Variants in AKAP13 observed in about 807,000 individuals in gnomAD.
AKAP13 encodes A-kinase anchoring protein 13.
Under a neutral mutation model 264.5 loss-of-function variants are expected in AKAP13, and 80 were observed. That is an observed-to-expected ratio of 0.30 (90% confidence interval 0.25 to 0.36). The LOEUF (loss-of-function observed/expected upper bound fraction) is 0.36. Ranked by LOEUF, AKAP13 falls within the 10% of genes least tolerant of loss-of-function variation. The probability of loss-of-function intolerance (pLI) is 1.00; values close to 1 mark genes in which losing one functional copy is unlikely to be tolerated. For missense variants in AKAP13, 3,712 were observed against 3,435.2 expected (o/e 1.08, Z -2.01); for synonymous variants, 1,380 against 1,250.2 (o/e 1.10, Z -2.19).
chr15:85,642,620 T>G (rs997515230), intron 9 of AKAP13, among the ~76,000 whole-genome samples: 1 of 152,118 alleles, frequency 6.6e-6, no homozygotes, highest in Non-Finnish European at 1.5e-5. Flanking sequence ...CTTTCTGTAC[T>G]TTTCCCTCTT....
intron 2 of AKAP13, among the ~76,000 whole-genome samples, chr15:85,520,179 A>C (rs1012840499): frequency 6.6e-6 from 1 of 151,982 alleles, no homozygotes; most frequent in Admixed American, 6.6e-5. Flanking sequence ...TTTAAAAAAA[A>C]AATCAATATA....
At chr15:85,516,783 G>A (rs922593695) in intron 2 of AKAP13, among the ~76,000 whole-genome samples, 4 of 152,138 alleles carry the variant, frequency 2.6e-5, no homozygotes, top group Non-Finnish European at 5.9e-5. Flanking sequence ...TTGATTTCAG[G>A]TATCCACACC....
At chr15:85,381,776 G>C (rs2070285453) in intron 1 of AKAP13, 1 of 152,044 alleles carries the variant, frequency 6.6e-6, no homozygotes, top group African/African-American at 2.4e-5. Context: ...TATTTGGAGA[G>C]TTTATTGCTT....
intron 18 of AKAP13, 25 bp from the exon 19 acceptor site, chr15:85,710,554 A>G (rs368544070): frequency 8.7e-6 from 14 of 1,611,788 alleles, no homozygotes; most frequent in African/African-American, 4.0e-5. Context: ...TGAATTGTCA[A>G]TGGACTTACT....
chr15:85,521,370 A>G (rs751394405), intron 2 of AKAP13, 58 bp from the exon 3 acceptor site: 16 of 1,577,908 alleles, frequency 1.0e-5, no homozygotes, highest in Non-Finnish European at 1.4e-5. Context: ...TTTGATAAAG[A>G]TAGGCTGCGA....
intron 1 of AKAP13, among the ~76,000 whole-genome samples, chr15:85,406,644 G>C (rs560855752): frequency 6.6e-6 from 1 of 151,384 alleles, no homozygotes; most frequent in African/African-American, 2.5e-5. Flanking sequence ...GACCTTTCCA[G>C]TCTGAATTCC....
At chr15:85,417,967 A>T (rs1476960745) in intron 1 of AKAP13, among the ~76,000 whole-genome samples, 1 of 151,980 alleles carries the variant, frequency 6.6e-6, no homozygotes, top group African/African-American at 2.4e-5. Flanking sequence ...TTTTAATTCA[A>T]TATATAAAAG....
At chr15:85,743,997 A>G (rs1049611049) in intron 36 of AKAP13, 172 bp downstream of exon 36, 1 of 717,994 alleles carries the variant, frequency 1.4e-6, no homozygotes, top group Non-Finnish European at 2.2e-6. Flanking sequence ...TGCAGCGAAC[A>G]TTAAGAACCC....
At chr15:85,434,096 G>A (rs2073152100) in intron 1 of AKAP13, among the ~76,000 whole-genome samples, 1 of 151,904 alleles carries the variant, frequency 6.6e-6, no homozygotes, top group Non-Finnish European at 1.5e-5. Flanking sequence ...GCCAGACGGC[G>A]CAGGCCAGTG....
Position 85,708,521 on chromosome 15 carries a change from G to A in AKAP13, c.5532+435G>A, listed in dbSNP as rs926700679. ...AGGGTGTTATGGTTAGCCCCAGCCT[G>A]TCTGGTAGCACTTTTCTCCTCAGGT... is the stretch of plus-strand genomic sequence containing the variant. On this transcript the variant is annotated intron_variant, in intron 18 of 36. Transcript: ENST00000394518. This position sits in a 1 kb window ranked among gnomAD's most constrained non-coding sequence, Gnocchi z 4.3. Among the ~76,000 whole-genome samples the A allele has an allele frequency of 6.6e-6, 1 of 152,118 alleles. No individual in the cohort carries two copies. The highest frequency in any genetic ancestry group is 2.4e-5 in the African/African-American group (1 of 41,428).
intron 3 of AKAP13, among the ~76,000 whole-genome samples, chr15:85,528,655 A>C (rs1196577186): frequency 1.3e-5 from 2 of 152,090 alleles, no homozygotes; most frequent in African/African-American, 2.4e-5. Context: ...AATATTTTCT[A>C]CTTGACAGCT....
At chr15:85,700,947 C>G (rs11635418) in intron 17 of AKAP13, among the ~76,000 whole-genome samples, 28,710 of 152,148 alleles carry the variant, frequency 0.19, 3,571 homozygotes, top group Middle Eastern at 0.41. Flanking sequence ...GAATGTCATG[C>G]ACCTCTGACC....
intron 13 of AKAP13, among the ~76,000 whole-genome samples, chr15:85,668,432 A>G (rs2083725069): frequency 6.6e-6 from 1 of 152,216 alleles, no homozygotes. Context: ...GGGATGTTGT[A>G]CCAGGAACTT....
chr15:85,619,966 T>C lies in AKAP13; in HGVS notation c.4162-19408T>C. On this transcript the variant is annotated intron_variant, in intron 8 of 36. Coordinates refer to ENST00000394518, the MANE Select transcript of AKAP13 (RefSeq NM_007200.5). ...CTTTGAGAGTTTTAATAGAGAGGAG[T>C]CTGGAAGGCAGAGATCTCCACCACC... 6 of 1,463,270 alleles carry C rather than the reference T, an allele frequency of 4.1e-6. No homozygotes were observed. The South Asian group carries it at 8.5e-5, about 21-fold the overall frequency. 90.6% of individuals were successfully genotyped at this position (1,463,270 alleles called of 1,614,324 possible).
At chr15:85,559,326 A>T (rs73450400) in intron 5 of AKAP13, among the ~76,000 whole-genome samples, 6,541 of 152,272 alleles carry the variant, frequency 0.043, 465 homozygotes, top group African/African-American at 0.15. Context: ...TAATATTTAA[A>T]TAGAAATCTC....
chr15:85,684,621 G>A lies in AKAP13; in HGVS notation c.5157-120G>A, dbSNP rs2084793500. On this transcript the variant is annotated intron_variant, in intron 15 of 36. Transcript: ENST00000394518. ...GCCAAGTTTTGATAACAGAACCTGG[G>A]CGTTGTGGCATACTCTATAAAAAGC... is the stretch of plus-strand genomic sequence containing the variant. 4 of 1,019,372 alleles carry A rather than the reference G, an allele frequency of 3.9e-6. No individual in the cohort carries two copies. The East Asian group carries it at 7.8e-5, about 20-fold the overall frequency. The allele number at this position is 1,019,372 out of a possible 1,614,324, so 63.1% of individuals were successfully genotyped here. A position where few individuals can be genotyped will look rare whatever the true frequency, so the allele number is the denominator to read the frequency against.
intron 36 of AKAP13, chr15:85,744,026 G>A (rs2151793822): frequency 1.6e-6 from 1 of 607,830 alleles, no homozygotes; most frequent in East Asian, 2.8e-5. Flanking sequence ...TGGCACGTGT[G>A]CAGAAGCAGA....
Position 85,398,713 on chromosome 15 carries a change from G to A in AKAP13, c.-12+17915G>A, listed in dbSNP as rs8032192. 3.0e-3 allele frequency among the ~76,000 whole-genome samples: 460 copies of A among 152,100 alleles called. 4 individuals are homozygous for A. Among genetic ancestry groups the A allele is most frequent in the African/African-American group, 0.01 (417 of 41,496 alleles). The stretch of plus-strand genomic sequence containing the variant: ...TGGGATTACAGGCACATGCCACCAC[G>A]CCCGGCTAATTTTTGGATTTTTAGT... On this transcript the variant is annotated intron_variant, in intron 1 of 36. Coordinates refer to ENST00000394518, the MANE Select transcript of AKAP13 (RefSeq NM_007200.5).
chr15:85,490,259 G>A (rs1194339213), intron 2 of AKAP13, among the ~76,000 whole-genome samples: 1 of 152,222 alleles, frequency 6.6e-6, no homozygotes, highest in Non-Finnish European at 1.5e-5. Context: ...GGGAGTGAAA[G>A]AGAACCATGA....
Sources: gnomAD v4.1 joint callset for allele counts (sites outside exome capture counted in the v4.1 genomes callset) on GRCh38, gnomAD v4.1.1 for gene constraint, Gnocchi (gnomAD v3.1) non-coding constraint, MANE v1.5 for transcripts, NCBI Gene and HGNC (gene_info 2026-07-23, HGNC 2026-07-21) for gene names.